The following MYRFL variants were observed in gnomAD, a reference collection of about 807,000 sequenced individuals.
MYRFL encodes the protein myelin regulatory factor like.
MYRFL carries 88 observed loss-of-function variants against 109.4 expected under a neutral mutation model. That is an observed-to-expected ratio of 0.80 (90% CI 0.68 to 0.96). The LOEUF (loss-of-function observed/expected upper bound fraction) is 0.96. Among genes scored for constraint, MYRFL ranks in the 40% least tolerant of loss-of-function variants. The pLI, the probability that MYRFL is intolerant of heterozygous loss-of-function variation, is 0.00. For missense variants in MYRFL, 957 were observed against 954.9 expected (o/e 1.00, Z -0.03); for synonymous variants, 324 against 320.9 (o/e 1.01, Z -0.10).
chr12:69,952,923 G>A, intron 21 of MYRFL, 37 bp downstream of exon 21: 1 of 1,418,254 alleles, frequency 7.1e-7, no homozygotes, highest in Non-Finnish European at 9.5e-7. Flanking sequence ...GGTTGTTTCT[G>A]GAATTTACCC....
At chr12:69,842,879 G>A (rs1262153715) in intron 1 of MYRFL, among the ~76,000 whole-genome samples, 1 of 152,204 alleles carries the variant, frequency 6.6e-6, no homozygotes, top group Non-Finnish European at 1.5e-5. Context: ...TTAACACCTT[G>A]CATTGCTATA....
chr12:69,843,464 A>G lies in MYRFL; in HGVS notation c.47-11816A>G, dbSNP rs144149834. On this transcript the variant is annotated intron_variant, in intron 1 of 24. Transcript: ENST00000552032. ...AGAGGGCCTTATCACTGTTGGGGAA[A>G]GTGATGAAGAAAGCTGTTGGATGGA... Among the ~76,000 whole-genome samples the G allele has an allele frequency of 2.0e-4, 30 of 152,354 alleles. No homozygotes were observed. The East Asian group carries it at 5.6e-3, about 28-fold the overall frequency.
intron 1 of MYRFL, among the ~76,000 whole-genome samples, chr12:69,847,087 G>A (rs1421422987): frequency 1.3e-5 from 2 of 152,110 alleles, no homozygotes; most frequent in Admixed American, 1.3e-4. Flanking sequence ...CATAACTAGT[G>A]GCAATCAGGA....
intron 11 of MYRFL, among the ~76,000 whole-genome samples, chr12:69,907,607 CCT>C: frequency 1.3e-5 from 2 of 152,212 alleles, no homozygotes; most frequent in South Asian, 4.2e-4. Context: ...CCTGATTGAC[CCT>C]CTCTCTTCAA....
intron 1 of MYRFL, among the ~76,000 whole-genome samples, chr12:69,846,546 C>T (rs532259929): frequency 3.7e-4 from 56 of 152,054 alleles, no homozygotes; most frequent in African/African-American, 1.3e-3. Context: ...TTTATGGCTG[C>T]ATAGTATTCC....
chr12:69,886,324 G>A (rs1362103612), intron 5 of MYRFL, among the ~76,000 whole-genome samples: 1 of 152,150 alleles, frequency 6.6e-6, no homozygotes, highest in Non-Finnish European at 1.5e-5. Context: ...AATGGTGCCA[G>A]CAGCTGTTGG....
At chr12:69,846,383 C>T (rs1236737038) in intron 1 of MYRFL, among the ~76,000 whole-genome samples, 1 of 147,438 alleles carries the variant, frequency 6.8e-6, no homozygotes, top group Non-Finnish European at 1.5e-5. Context: ...TGTTCCCCTT[C>T]CTGTGTCCGT....
At chr12:69,915,552 C>T (rs868064094) in intron 13 of MYRFL, among the ~76,000 whole-genome samples, 1 of 152,112 alleles carries the variant, frequency 6.6e-6, no homozygotes, top group African/African-American at 2.4e-5. Flanking sequence ...AGGGGGTGAT[C>T]GTTGTCAAAG....
chr12:69,879,067 C>G lies in MYRFL; in HGVS notation c.177C>G (p.Ser59=), dbSNP rs753134328. The change falls in exon 3 of 25, where the codon TCC becomes TCG. Residue 59 remains serine, a synonymous_variant. Coordinates refer to ENST00000552032, the MANE Select transcript of MYRFL (RefSeq NM_182530.3). ...QLPDTPPYSA[S]DSCSPPQVKG... ...CAGACACCCCGCCCTATTCTGCATC[C>G]GACTCATGCTCTCCTCCGCAGGTCA... The G allele has an allele frequency of 1.4e-6, 1 of 703,000 alleles. No individual in the cohort carries two copies. Among genetic ancestry groups the G allele is most frequent in the East Asian group, 2.7e-5 (1 of 37,288 alleles). 43.5% of individuals were successfully genotyped at this position (703,000 alleles called of 1,614,324 possible).
At chr12:69,845,169 A>G (rs1463232848) in intron 1 of MYRFL, among the ~76,000 whole-genome samples, 2 of 152,050 alleles carry the variant, frequency 1.3e-5, no homozygotes, top group African/African-American at 2.4e-5. Context: ...CTCTGAAAAT[A>G]TCCTTTTATT....
intron 16 of MYRFL, 25 bp from the exon 17 acceptor site, chr12:69,936,088 T>TG (rs903087779): frequency 1.5e-6 from 2 of 1,350,582 alleles, no homozygotes; most frequent in Non-Finnish European, 1.9e-6. Context: ...GTTTTTTTTT[T>TG]TTTTTTTTTT....
At chr12:69,906,817 C>A in intron 11 of MYRFL, among the ~76,000 whole-genome samples, 1 of 152,182 alleles carries the variant, frequency 6.6e-6, no homozygotes, top group East Asian at 1.9e-4. Flanking sequence ...AGATAGCCTT[C>A]CCTGAACAGA....
At chr12:69,851,509 A>G (rs140095198) in intron 1 of MYRFL, among the ~76,000 whole-genome samples, 1 of 152,344 alleles carries the variant, frequency 6.6e-6, no homozygotes, top group Non-Finnish European at 1.5e-5. Context: ...AAAATCTCAA[A>G]GTATCTCCCC....
At chr12:69,920,056 A>T (rs1290954496) in intron 13 of MYRFL, among the ~76,000 whole-genome samples, 3 of 152,096 alleles carry the variant, frequency 2.0e-5, no homozygotes, top group African/African-American at 7.2e-5. Context: ...CCTGCAATGG[A>T]CCCAGGAGCT....
intron 1 of MYRFL, among the ~76,000 whole-genome samples, chr12:69,831,311 G>A (rs1882618373): frequency 6.6e-6 from 1 of 152,146 alleles, no homozygotes. Context: ...TGTGAGCGAA[G>A]AGGTGAATGG....
At chr12:69,890,068 A>G (rs1019049085) in intron 6 of MYRFL, among the ~76,000 whole-genome samples, 2 of 152,214 alleles carry the variant, frequency 1.3e-5, no homozygotes, top group African/African-American at 4.8e-5. Flanking sequence ...AATTGGGAGA[A>G]TAAAAAGGAA....
chr12:69,936,162 C>G lies in MYRFL; in HGVS notation c.1966C>G (p.Arg656Gly), dbSNP rs953503322. 2.7e-6 allele frequency: 4 copies of G among 1,501,192 alleles called. No homozygotes were observed. Among genetic ancestry groups the G allele is most frequent in the Admixed American group, 2.1e-5 (1 of 47,626 alleles). The allele number at this position is 1,501,192 out of a possible 1,614,324, so 93.0% of individuals were successfully genotyped here. Residue 656 changes from arginine to glycine, a missense_variant, in exon 17 of 25, where the codon CGA becomes GGA. By Grantham distance (125) the Arg-to-Gly change is moderately radical. Coordinates refer to ENST00000552032, the MANE Select transcript of MYRFL (RefSeq NM_182530.3). ...LYILSLKDQD[R>G]RVPNLPPSNI... The stretch of plus-strand genomic sequence containing the variant: ...TATACTTAGCTTAAAAGATCAAGAC[C>G]GACGTGTCCCAAATCTCCCTCCAAG...
intron 16 of MYRFL, 139 bp from the exon 17 acceptor site, chr12:69,935,974 G>A (rs1241800115): frequency 6.2e-6 from 6 of 961,126 alleles, no homozygotes; most frequent in Admixed American, 2.9e-5. Flanking sequence ...TCTGTCAGCC[G>A]TGGCCATCCC....
rs71098067 is a variant in MYRFL at position 69,936,078 on chromosome 12, G to GTTTTTTTTT, written c.1917-14_1917-6dup. 5.4e-5 allele frequency: 48 copies of GTTTTTTTTT among 893,914 alleles called. 6 individuals are homozygous for GTTTTTTTTT. The highest frequency in any genetic ancestry group is 3.0e-4 in the East Asian group (5 of 16,630). 55.4% of individuals were successfully genotyped at this position (893,914 alleles called of 1,614,324 possible). On this transcript the variant is annotated intron_variant, in intron 16 of 24. Coordinates refer to ENST00000552032, the MANE Select transcript of MYRFL (RefSeq NM_182530.3). ...TCTGGAAACAAATCTGCCACATAAT[G>GTTTTTTTTT]TTTTTTTTTTTTTTTTTTTTTTTTT...
Sources: gnomAD v4.1 joint callset for allele counts (sites outside exome capture counted in the v4.1 genomes callset) on GRCh38, gnomAD v4.1.1 for gene constraint, MANE v1.5 for transcripts, NCBI Gene and HGNC (gene_info 2026-07-23, HGNC 2026-07-21) for gene names.